The following MRPL50 variants were observed in gnomAD, a reference collection of about 807,000 sequenced individuals.
MRPL50 encodes the protein large ribosomal subunit protein mL50.
MRPL50 carries 10 observed loss-of-function variants against 16.2 expected under a neutral mutation model. That is an observed-to-expected ratio of 0.62 (90% CI 0.38 to 1.05). The LOEUF is 1.05. Ranked by LOEUF, MRPL50 falls within the 50% of genes least tolerant of loss-of-function variation. The probability of loss-of-function intolerance (pLI) is 0.01; values close to 1 mark genes in which losing one functional copy is unlikely to be tolerated. For missense variants in MRPL50, 213 were observed against 187.1 expected (o/e 1.14, Z -0.81); for synonymous variants, 68 against 66.8 (o/e 1.02, Z -0.09).
In MRPL50 at chr9:101,390,577, C is replaced by T; in HGVS notation, c.366G>A (p.Arg122=). ...TATAGAAATCAAGAACATCTCTAAC[C>T]CTGCACATCTGGTGGAGTCTGGAGT... The part of the protein sequence containing the change: ...VPNSRLHQMC[R]VRDVLDFYNV... The change falls in exon 2 of 2, where the codon AGG becomes AGA. Residue 122 remains arginine, a synonymous_variant. Coordinates refer to ENST00000374865, the MANE Select transcript of MRPL50 (RefSeq NM_019051.3). 1 of 1,613,364 alleles carries T rather than the reference C, an allele frequency of 6.2e-7. No homozygotes were observed. Among genetic ancestry groups the T allele is most frequent in the Non-Finnish European group, 8.5e-7 (1 of 1,179,516 alleles).
chr9:101,393,577 T>A (rs1830301031), intron 1 of MRPL50, among the ~76,000 whole-genome samples: 1 of 151,954 alleles, frequency 6.6e-6, no homozygotes, highest in Admixed American at 6.6e-5. Flanking sequence ...TCTTAGAAAT[T>A]ATAAATTCAG....
chr9:101,393,869 G>C lies in MRPL50; in HGVS notation c.93-3019C>G, dbSNP rs530426777. Among the ~76,000 whole-genome samples, 76 of 151,032 alleles carry C rather than the reference G, an allele frequency of 5.0e-4. No homozygotes were observed. In the Middle Eastern group the frequency reaches 0.01, roughly 20 times the overall value. On this transcript the variant is annotated intron_variant, in intron 1 of 1. Coordinates refer to ENST00000374865, the MANE Select transcript of MRPL50 (RefSeq NM_019051.3). The stretch of plus-strand genomic sequence containing the variant: ...TTGAAATGCTTATGCTACCCAAAGC[G>C]ATATACTGTCAATGTAATCTTTATC...
At chr9:101,394,355 T>C (rs1830313536) in intron 1 of MRPL50, among the ~76,000 whole-genome samples, 1 of 152,186 alleles carries the variant, frequency 6.6e-6, no homozygotes, top group Admixed American at 6.5e-5. Flanking sequence ...ACTCAATGGA[T>C]TAGCTTACAC....
chr9:101,390,337 C>T lies in MRPL50; in HGVS notation c.*129G>A. ...AGAAAAAAAAAGATGATACATTCCT[C>T]TACAGAAAAAGTGGGTTTAGAGAAC... On this transcript the variant is annotated 3_prime_UTR_variant, in exon 2 of 2. Coordinates refer to ENST00000374865, the MANE Select transcript of MRPL50 (RefSeq NM_019051.3). The T allele has an allele frequency of 1.4e-6, 2 of 1,417,234 alleles. No homozygotes were observed. The highest frequency in any genetic ancestry group is 1.8e-6 in the Non-Finnish European group (2 of 1,084,074). 87.8% of individuals were successfully genotyped at this position (1,417,234 alleles called of 1,614,324 possible). A position where few individuals can be genotyped will look rare whatever the true frequency, so the allele number is the denominator to read the frequency against.
intron 1 of MRPL50, among the ~76,000 whole-genome samples, chr9:101,393,081 T>C (rs1172431520): frequency 2.6e-5 from 4 of 152,126 alleles, no homozygotes; most frequent in East Asian, 3.9e-4. Context: ...ATACATCACA[T>C]TGATAGAATC....
chr9:101,396,174 C>T (rs911239371), intron 1 of MRPL50, among the ~76,000 whole-genome samples: 2 of 152,062 alleles, frequency 1.3e-5, no homozygotes, highest in Non-Finnish European at 2.9e-5. Flanking sequence ...ATGGAAAAAA[C>T]GGCACCCTTA....
In MRPL50 at chr9:101,387,663, T is replaced by TTAAAACA. The variant is rs1268878719; in HGVS notation, c.*2796_*2802dup. On this transcript the variant is annotated 3_prime_UTR_variant, in exon 2 of 2. Coordinates refer to ENST00000374865, the MANE Select transcript of MRPL50 (RefSeq NM_019051.3). ...GAGGGAGGAGTTTATTTTATGCAGT[T>TTAAAACA]TAAAACATATATTACATATGTAAAA... 6.6e-6 allele frequency: 1 copy of TTAAAACA among 152,120 alleles called. No homozygotes were observed. The highest frequency in any genetic ancestry group is 1.5e-5 in the Non-Finnish European group (1 of 68,000). The allele number at this position is 152,120 out of a possible 1,614,324, so 9.4% of individuals were successfully genotyped here.
chr9:101,392,124 T>C (rs1830281370), intron 1 of MRPL50, among the ~76,000 whole-genome samples: 1 of 151,666 alleles, frequency 6.6e-6, no homozygotes, highest in Admixed American at 6.6e-5. Context: ...GCAATAAAAA[T>C]GAAAACACAA....
At chr9:101,396,635 A>G (rs1001699111) in intron 1 of MRPL50, among the ~76,000 whole-genome samples, 4 of 152,176 alleles carry the variant, frequency 2.6e-5, no homozygotes, top group African/African-American at 7.2e-5. Flanking sequence ...GATCTCACTT[A>G]TATGTAGTAT....
chr9:101,398,185 T>C (rs961659213), intron 1 of MRPL50, among the ~76,000 whole-genome samples: 1 of 152,238 alleles, frequency 6.6e-6, no homozygotes, highest in African/African-American at 2.4e-5. Context: ...AGCGCTTTCA[T>C]GTGTTTGCAG....
chr9:101,398,561 C>A lies in MRPL50; in HGVS notation c.32G>T (p.Arg11Ile). The A allele has an allele frequency of 6.2e-7, 1 of 1,614,064 alleles. No individual in the cohort carries two copies. The highest frequency in any genetic ancestry group is 8.5e-7 in the Non-Finnish European group (1 of 1,180,044). MAARSVSGIT[R>I]RVFMWTVSGT... ...TGAGACTGTCCACATGAAGACTCTT[C>A]TGGTAATGCCCGACACAGATCGCGC... The change falls in exon 1 of 2, where the codon AGA (arginine) becomes ATA (isoleucine). Residue 11 changes from arginine (R) to isoleucine (I), a missense_variant. Transcript: ENST00000374865.
chr9:101,391,983 G>A (rs991591782), intron 1 of MRPL50, among the ~76,000 whole-genome samples: 29 of 151,834 alleles, frequency 1.9e-4, no homozygotes, highest in African/African-American at 6.0e-4. Context: ...CTTTTCTAAC[G>A]ACAATGAAAT....
Position 101,390,317 on chromosome 9 carries a change from A to G in MRPL50, c.*149T>C. 1 of 1,347,720 alleles carries G rather than the reference A, an allele frequency of 7.4e-7. No individual in the cohort carries two copies. The highest frequency in any genetic ancestry group is 3.2e-5 in the Admixed American group (1 of 31,498). The allele number at this position is 1,347,720 out of a possible 1,614,324, so 83.5% of individuals were successfully genotyped here. On this transcript the variant is annotated 3_prime_UTR_variant, in exon 2 of 2. Transcript: ENST00000374865. Reference sequence around the variant, plus strand: ...ATTTGTCCATTTGTAATATGAGAAAAAAAAAGATGATACATTCCTCTACAG... The same window carrying G: ...ATTTGTCCATTTGTAATATGAGAAAGAAAAAGATGATACATTCCTCTACAG...
chr9:101,398,546 C>A lies in MRPL50; in HGVS notation c.47G>T (p.Trp16Leu), dbSNP rs770659902. 3.1e-6 allele frequency: 5 copies of A among 1,614,058 alleles called. No individual in the cohort carries two copies. In the South Asian group the frequency reaches 3.3e-5, roughly 11 times the overall value. The change falls in exon 1 of 2, where the codon TGG becomes TTG. Residue 16 changes from tryptophan (W) to leucine (L), a missense_variant. Physicochemically the swap from Trp to Leu is moderately conservative, Grantham distance 61 (BLOSUM62 -2). Transcript: ENST00000374865. ...VSGITRRVFM[W>L]TVSGTPCREF... ...TCTACATGGTGTCCCTGAGACTGTC[C>A]ACATGAAGACTCTTCTGGTAATGCC... is the stretch of plus-strand genomic sequence containing the variant.
chr9:101,390,618 C>A lies in MRPL50; in HGVS notation c.325G>T (p.Gly109Cys). 1 of 1,613,448 alleles carries A rather than the reference C, an allele frequency of 6.2e-7. No individual in the cohort carries two copies. Among genetic ancestry groups the A allele is most frequent in the Non-Finnish European group, 8.5e-7 (1 of 1,179,540 alleles). ...AGTCTGGAGTTAGGGACTACATGAC[C>A]CAAGTCATCAGCTAAATGAGCCAGA... The part of the protein sequence containing the change: ...NLLAHLADDL[G>C]HVVPNSRLHQ... Residue 109 changes from glycine (G) to cysteine (C), a missense_variant, in exon 2 of 2, where the codon GGT (glycine) becomes TGT (cysteine). By Grantham distance (159) the Gly-to-Cys change is radical. Transcript: ENST00000374865.
chr9:101,397,250 C>CA (rs1345403873), intron 1 of MRPL50, among the ~76,000 whole-genome samples: 2 of 152,100 alleles, frequency 1.3e-5, no homozygotes, highest in East Asian at 3.9e-4. Context: ...TACTTGAGTC[C>CA]AGGAGTTCAA....
intron 1 of MRPL50, among the ~76,000 whole-genome samples, chr9:101,397,570 A>C (rs1830373251): frequency 6.6e-6 from 1 of 152,182 alleles, no homozygotes; most frequent in Non-Finnish European, 1.5e-5. Flanking sequence ...CTGTATTCTT[A>C]CAACACCTAA....
rs1345703736 is a variant in MRPL50 at position 101,389,950 on chromosome 9, A to T, written c.*516T>A. 2 of 896,754 alleles carry T rather than the reference A, an allele frequency of 2.2e-6. No homozygotes were observed. The highest frequency in any genetic ancestry group is 6.1e-5 in the Admixed American group (1 of 16,372). 55.5% of individuals were successfully genotyped at this position (896,754 alleles called of 1,614,324 possible). ...AGCGCAAGCAAATTTCACTTAAAAAATTTACAACACACAATACACTTTAAC... is the reference window on the plus strand; with the variant it reads ...AGCGCAAGCAAATTTCACTTAAAAATTTTACAACACACAATACACTTTAAC... On this transcript the variant is annotated 3_prime_UTR_variant, in exon 2 of 2. Transcript: ENST00000374865.
At chr9:101,397,229 G>A (rs1830361657) in intron 1 of MRPL50, among the ~76,000 whole-genome samples, 1 of 152,132 alleles carries the variant, frequency 6.6e-6, no homozygotes, top group Non-Finnish European at 1.5e-5. Flanking sequence ...GGGAGGCCAA[G>A]GTGGGAAAAT....
Sources: allele counts gnomAD v4.1 joint callset (sites outside exome capture counted in the v4.1 genomes callset), GRCh38; gene constraint gnomAD v4.1.1; transcripts MANE v1.5; gene names NCBI Gene and HGNC (gene_info 2026-07-23, HGNC 2026-07-21).